Variants in FMO2 observed in about 807,000 individuals in gnomAD.
The protein encoded by FMO2 is flavin containing dimethylaniline monoxygenase 2.
FMO2 carries 33 observed loss-of-function variants against 41.6 expected under a neutral mutation model. The observed-to-expected ratio is 0.79, with a 90% CI of 0.60 to 1.06. The LOEUF is 1.06. Ranked by LOEUF, FMO2 falls within the 50% of genes least tolerant of loss-of-function variation. FMO2 has a pLI of 0.00. For synonymous variants in FMO2, 214 were observed against 219.6 expected (o/e 0.97, Z 0.23); for missense variants, 619 against 632.9 (o/e 0.98, Z 0.23).
chr1:171,192,921 T>C (rs28369845), intron 2 of FMO2, among the ~76,000 whole-genome samples: 21,309 of 152,172 alleles, frequency 0.14, 2,037 homozygotes, highest in East Asian at 0.42. Context: ...CTCTATTATG[T>C]TCTCTGCCCA....
chr1:171,187,502 G>A (rs1657898304), intron 2 of FMO2, among the ~76,000 whole-genome samples: 2 of 151,828 alleles, frequency 1.3e-5, no homozygotes, highest in African/African-American at 2.4e-5. Context: ...ACCACACCTG[G>A]AGGGTTTCTT....
rs532688771 is a variant in FMO2, at chr1:171,207,598, G to A, written c.1184-120G>A. Reference sequence around the variant, plus strand: ...GGCACCCCCTGAAGTTCAACAGCACGGAAGCCCTGACTGGTATGACATGGT... The same window carrying A: ...GGCACCCCCTGAAGTTCAACAGCACAGAAGCCCTGACTGGTATGACATGGT... On this transcript the variant is annotated intron_variant, in intron 7 of 8. Transcript: ENST00000209929. 5.0e-4 allele frequency: 363 copies of A among 730,514 alleles called. 3 individuals are homozygous for A. The South Asian group carries it at 5.5e-3, about 11-fold the overall frequency. The allele number at this position is 730,514 out of a possible 1,614,324, so 45.3% of individuals were successfully genotyped here. A position where few individuals can be genotyped will look rare whatever the true frequency, so the allele number is the denominator to read the frequency against.
rs2020870 is a variant in FMO2 at position 171,185,820 on chromosome 1, A to G, written c.107A>G (p.Asp36Gly). 120,255 of 1,613,426 alleles carry G rather than the reference A, an allele frequency of 0.075. 5,132 individuals carry two copies. Among genetic ancestry groups the G allele is most frequent in the Middle Eastern group, 0.13 (810 of 6,044 alleles). Reference protein sequence around the residue: ...LEPTCFERTEDIGGVWRFKEN... With the variant: ...LEPTCFERTEGIGGVWRFKEN... ...CCCACTTGCTTTGAGAGAACTGAAGATATTGGAGGAGTGTGGAGGTTCAAA... is the reference window on the plus strand; with the variant it reads ...CCCACTTGCTTTGAGAGAACTGAAGGTATTGGAGGAGTGTGGAGGTTCAAA... Residue 36 changes from aspartate to glycine, a missense_variant, in exon 2 of 9, where the codon GAT (aspartate) becomes GGT (glycine). Transcript: ENST00000209929.
chr1:171,190,758 A>G (rs549605080), intron 2 of FMO2, among the ~76,000 whole-genome samples: 1 of 152,340 alleles, frequency 6.6e-6, no homozygotes, highest in South Asian at 2.1e-4. Flanking sequence ...AAATACACAG[A>G]TGCCTACTTC....
intron 8 of FMO2, among the ~76,000 whole-genome samples, chr1:171,208,386 G>T (rs2072756): frequency 0.15 from 22,645 of 152,142 alleles, 1,747 homozygotes; most frequent in African/African-American, 0.16. Flanking sequence ...ACGCCATCCA[G>T]ACTGCCAGGT....
In FMO2 at chr1:171,185,862, T is replaced by G; in HGVS notation, c.132+17T>G. ...AGGTTCAAAGTAAGTGAGATTTTCT[T>G]GGGTCTTGAACAGGTTGTGTTGTTA... On this transcript the variant is annotated intron_variant, in intron 2 of 8. Transcript: ENST00000209929. 1 of 1,613,290 alleles carries G rather than the reference T, an allele frequency of 6.2e-7. No homozygotes were observed. Among genetic ancestry groups the G allele is most frequent in the East Asian group, 2.2e-5 (1 of 44,872 alleles).
rs1278336769 is a variant in FMO2 at position 171,209,544 on chromosome 1, G to T, written c.*399G>T. 1 of 154,714 alleles carries T rather than the reference G, an allele frequency of 6.5e-6. No homozygotes were observed. Among genetic ancestry groups the T allele is most frequent in the Non-Finnish European group, 1.4e-5 (1 of 69,860 alleles). The allele number at this position is 154,714 out of a possible 1,614,324, so 9.6% of individuals were successfully genotyped here. ...TAAATATTTAAAACTCCTGAACAAT[G>T]TTTCTGATGGTCTTCTATCCACCCT... On this transcript the variant is annotated 3_prime_UTR_variant, in exon 9 of 9. Coordinates refer to ENST00000209929, the MANE Select transcript of FMO2 (RefSeq NM_001460.5).
chr1:171,200,867 G>A (rs1557980880), intron 5 of FMO2, among the ~76,000 whole-genome samples: 3 of 152,140 alleles, frequency 2.0e-5, no homozygotes, highest in African/African-American at 2.4e-5. Flanking sequence ...AGGAATACCC[G>A]CAAAGCCTTA....
rs573522092 is a variant in FMO2 at position 171,209,209 on chromosome 1, G to T, written c.*64G>T. On this transcript the variant is annotated 3_prime_UTR_variant, in exon 9 of 9. Coordinates refer to ENST00000209929, the MANE Select transcript of FMO2 (RefSeq NM_001460.5). ...CTACCTCCTAAAGAAAAAAAAAAAG[G>T]CTAGAAGAAAAAACATTACATTCAT... is the stretch of plus-strand genomic sequence containing the variant. The T allele has an allele frequency of 1.2e-5, 5 of 418,310 alleles. No individual in the cohort carries two copies. Among genetic ancestry groups the T allele is most frequent in the African/African-American group, 8.2e-5 (4 of 48,626 alleles). The allele number at this position is 418,310 out of a possible 1,614,324, so 25.9% of individuals were successfully genotyped here.
intron 5 of FMO2, 110 bp from the exon 6 acceptor site, chr1:171,203,755 A>G (rs905229966): frequency 1.1e-6 from 1 of 928,036 alleles, no homozygotes; most frequent in East Asian, 2.6e-5. Flanking sequence ...TCTTTAAAAC[A>G]GAACCTCTGT....
intron 4 of FMO2, among the ~76,000 whole-genome samples, chr1:171,198,386 A>C (rs1318159476): frequency 6.6e-6 from 1 of 151,726 alleles, no homozygotes; most frequent in Non-Finnish European, 1.5e-5. Flanking sequence ...TGCTTAAGAA[A>C]TATTTAAGAG....
At chr1:171,199,250 A>G in intron 4 of FMO2, 96 bp from the exon 5 acceptor site, 1 of 1,240,346 alleles carries the variant, frequency 8.1e-7, no homozygotes, top group South Asian at 1.6e-5. Flanking sequence ...CAAATTATTA[A>G]CTCCAGAAAG....
rs200595925 is a variant in FMO2 at position 171,199,522 on chromosome 1, G to A, written c.627+34G>A. ...CTCTCTGCTTACCATGTACCTGGAG[G>A]GGAGGAAGTGGGGATGCCATACTGG... On this transcript the variant is annotated intron_variant, in intron 5 of 8. Coordinates refer to ENST00000209929, the MANE Select transcript of FMO2 (RefSeq NM_001460.5). 17 of 1,558,460 alleles carry A rather than the reference G, an allele frequency of 1.1e-5. No individual in the cohort carries two copies. In the Admixed American group the frequency reaches 2.6e-4, roughly 24 times the overall value.
chr1:171,197,677 T>A (rs1005414373), intron 4 of FMO2, among the ~76,000 whole-genome samples: 8 of 152,080 alleles, frequency 5.3e-5, no homozygotes, highest in Non-Finnish European at 1.0e-4. Flanking sequence ...GGTGATTGAG[T>A]AGTAAGAGCT....
At chr1:171,207,604 C>T in intron 7 of FMO2, 114 bp from the exon 8 acceptor site, 1 of 760,966 alleles carries the variant, frequency 1.3e-6, no homozygotes, top group Non-Finnish European at 2.3e-6. Context: ...GCACGGAAGC[C>T]CTGACTGGTA....
At chr1:171,201,833 G>T (rs12735631) in intron 5 of FMO2, among the ~76,000 whole-genome samples, 17,785 of 33,344 alleles carry the variant, frequency 0.53, 1,176 homozygotes, top group African/African-American at 0.55. Flanking sequence ...TGAGAGCGAA[G>T]GGGGAACCCT....
chr1:171,188,084 G>C (rs1657931835), intron 2 of FMO2, among the ~76,000 whole-genome samples: 1 of 115,102 alleles, frequency 8.7e-6, no homozygotes, highest in South Asian at 3.1e-4. Flanking sequence ...ACCTAAACAA[G>C]AAATGTAGAA....
In FMO2 at chr1:171,209,068, TCA is replaced by T; in HGVS notation, c.1532_1533del (p.Ser511CysfsTer48). ...GGCCCTGAAGGATTCATCTAATTTC[TCA>T]GTTTCTTTTCTGTTGAAAATCCTGG... ...TRALKDSSNF[S>X]VSFLLKILGL... On this transcript the variant is annotated frameshift_variant, in exon 9 of 9. Coordinates refer to ENST00000209929, the MANE Select transcript of FMO2 (RefSeq NM_001460.5). LOFTEE classifies it low-confidence loss of function (END_TRUNC). The T allele has an allele frequency of 9.0e-7, 1 of 1,112,980 alleles. No individual in the cohort carries two copies. Among genetic ancestry groups the T allele is most frequent in the South Asian group, 1.5e-5 (1 of 64,608 alleles). The allele number at this position is 1,112,980 out of a possible 1,614,324, so 68.9% of individuals were successfully genotyped here. A position where few individuals can be genotyped will look rare whatever the true frequency, so the allele number is the denominator to read the frequency against.
At chr1:171,198,254 A>G (rs2101996575) in intron 4 of FMO2, among the ~76,000 whole-genome samples, 1 of 150,798 alleles carries the variant, frequency 6.6e-6, no homozygotes, top group Middle Eastern at 3.5e-3. Context: ...TGATTTACAC[A>G]ATATGGAAAC....
Sources: allele counts gnomAD v4.1 joint callset (sites outside exome capture counted in the v4.1 genomes callset), GRCh38; gene constraint gnomAD v4.1.1; transcripts MANE v1.5; gene names NCBI Gene and HGNC (gene_info 2026-07-23, HGNC 2026-07-21).